FAM135A: variants seen among roughly 807,000 people sequenced by gnomAD.
FAM135A encodes protein FAM135A.
In FAM135A, 79 loss-of-function variants were observed where a neutral mutation model predicts 146.8. The observed-to-expected ratio is 0.54, with a 90% CI of 0.45 to 0.65. The LOEUF (loss-of-function observed/expected upper bound fraction) is 0.65. Ranked by LOEUF, FAM135A falls within the 30% of genes least tolerant of loss-of-function variation. The pLI is 0.00. For missense variants in FAM135A, 1,623 were observed against 1,758.2 expected (o/e 0.92, Z 1.38); for synonymous variants, 562 against 603.6 (o/e 0.93, Z 1.01).
intron 5 of FAM135A, among the ~76,000 whole-genome samples, chr6:70,470,921 T>G (rs1781507299): frequency 6.6e-6 from 1 of 152,226 alleles, no homozygotes; most frequent in South Asian, 2.1e-4. Context: ...AACTTCTGAT[T>G]ATTTTTATTT....
chr6:70,519,872 T>C (rs1045715582), intron 12 of FAM135A, among the ~76,000 whole-genome samples: 1 of 151,998 alleles, frequency 6.6e-6, no homozygotes. Context: ...TTCCAAGGCA[T>C]GCCTATACTA....
intron 16 of FAM135A, among the ~76,000 whole-genome samples, chr6:70,530,950 A>C (rs1205160248): frequency 1.3e-5 from 2 of 152,182 alleles, no homozygotes; most frequent in Non-Finnish European, 2.9e-5. Context: ...TTACACATTA[A>C]ACCAAAGAAA....
At chr6:70,522,003 G>T (rs1793696451) in intron 12 of FAM135A, among the ~76,000 whole-genome samples, 1 of 152,106 alleles carries the variant, frequency 6.6e-6, no homozygotes, top group African/African-American at 2.4e-5. Context: ...TGCAACCCCT[G>T]CCTCCTGGGT....
At position 70,500,240 on chromosome 6, in the gene FAM135A, T is replaced by G. The variant is rs549774825; in HGVS notation, c.874-2396T>G. 3.3e-4 allele frequency among the ~76,000 whole-genome samples: 51 copies of G among 152,316 alleles called. No homozygotes were observed. In the South Asian group the frequency reaches 0.011, roughly 32 times the overall value. ...CTTATTTCAGTAAGTTGATCTTCAG[T>G]CTCTGATATCCTTTCTTCAGCTTCA... On this transcript the variant is annotated intron_variant, in intron 11 of 21. Coordinates refer to ENST00000418814, the MANE Select transcript of FAM135A (RefSeq NM_001162529.3).
chr6:70,533,023 T>G, intron 16 of FAM135A, 137 bp from the exon 17 acceptor site: 1 of 675,634 alleles, frequency 1.5e-6, no homozygotes, highest in Non-Finnish European at 2.6e-6. Context: ...AATTGAGAAC[T>G]CTATTTCATT....
intron 11 of FAM135A, among the ~76,000 whole-genome samples, chr6:70,496,222 C>T (rs1242526853): frequency 6.6e-6 from 1 of 152,174 alleles, no homozygotes; most frequent in Non-Finnish European, 1.5e-5. Flanking sequence ...CAGTCTATCT[C>T]ATTGTGGTTT....
At chr6:70,436,611 G>T (rs1394779096) in intron 4 of FAM135A, among the ~76,000 whole-genome samples, 1 of 151,452 alleles carries the variant, frequency 6.6e-6, no homozygotes. Context: ...TGATGTTGGC[G>T]ATATGAAAAA....
chr6:70,555,967 C>T (rs780165910), intron 20 of FAM135A, among the ~76,000 whole-genome samples: 1 of 151,852 alleles, frequency 6.6e-6, no homozygotes, highest in Non-Finnish European at 1.5e-5. Flanking sequence ...TGATTAAGAT[C>T]CTTAGGCCAG....
Position 70,559,698 on chromosome 6 carries a change from T to C in FAM135A, c.4343-18T>C. 2 of 1,578,068 alleles carry C rather than the reference T, an allele frequency of 1.3e-6. No individual in the cohort carries two copies. Among genetic ancestry groups the C allele is most frequent in the Middle Eastern group, 1.7e-4 (1 of 5,948 alleles). On this transcript the variant is annotated intron_variant, in intron 21 of 21. Coordinates refer to ENST00000418814, the MANE Select transcript of FAM135A (RefSeq NM_001162529.3). ...TACTATTGTGAACTAATTTTCCTTT[T>C]TTCTGTTGGTTCCATAGGACAGATC...
chr6:70,450,817 C>G (rs73474998), intron 4 of FAM135A, among the ~76,000 whole-genome samples: 25,596 of 135,510 alleles, frequency 0.19, 2,332 homozygotes, highest in Middle Eastern at 0.27. Flanking sequence ...TCTCAGCTCA[C>G]TGCAAACTCT....
chr6:70,549,913 T>C (rs1430427051), intron 20 of FAM135A, among the ~76,000 whole-genome samples: 1 of 152,190 alleles, frequency 6.6e-6, no homozygotes, highest in Non-Finnish European at 1.5e-5. Context: ...TTCAACTCTT[T>C]ATGTAATATT....
At chr6:70,523,919 G>A in intron 13 of FAM135A, 48 bp from the exon 14 acceptor site, 1 of 1,567,444 alleles carries the variant, frequency 6.4e-7, no homozygotes, top group South Asian at 1.2e-5. Context: ...AAGGGGAGTT[G>A]GGTATAATTT....
chr6:70,416,851 A>G (rs1353637845), intron 2 of FAM135A, among the ~76,000 whole-genome samples: 1 of 152,246 alleles, frequency 6.6e-6, no homozygotes, highest in African/African-American at 2.4e-5. Flanking sequence ...AAAAGTTACA[A>G]AGCATAAGTG....
chr6:70,425,447 C>T (rs1029404442), intron 2 of FAM135A, among the ~76,000 whole-genome samples: 1 of 152,048 alleles, frequency 6.6e-6, no homozygotes, highest in African/African-American at 2.4e-5. Flanking sequence ...GAAATAGTTA[C>T]CAGAAAATCT....
intron 15 of FAM135A, 98 bp downstream of exon 15, chr6:70,526,796 C>CATAT: frequency 1.3e-6 from 1 of 774,786 alleles, no homozygotes; most frequent in African/African-American, 2.1e-5. Flanking sequence ...CACACACACA[C>CATAT]ACACACATAT....
chr6:70,545,825 G>A (rs1798759385), intron 20 of FAM135A, among the ~76,000 whole-genome samples: 1 of 152,216 alleles, frequency 6.6e-6, no homozygotes, highest in South Asian at 2.1e-4. Context: ...CAGAGAGATT[G>A]AATGACTTGC....
chr6:70,448,889 T>C (rs1178989352), intron 4 of FAM135A, among the ~76,000 whole-genome samples: 1 of 152,234 alleles, frequency 6.6e-6, no homozygotes, highest in Non-Finnish European at 1.5e-5. Flanking sequence ...AGCAGTTTTC[T>C]GCCCTGGGTG....
intron 19 of FAM135A, among the ~76,000 whole-genome samples, chr6:70,537,846 T>G (rs1198522350): frequency 6.6e-6 from 1 of 152,216 alleles, no homozygotes; most frequent in African/African-American, 2.4e-5. Flanking sequence ...CAATTTTTCA[T>G]TCTAAGATGT....
chr6:70,450,721 T>G (rs1220119736), intron 4 of FAM135A, among the ~76,000 whole-genome samples: 3 of 51,070 alleles, frequency 5.9e-5, no homozygotes, highest in Non-Finnish European at 1.0e-4. Context: ...TAGTTGTTTT[T>G]TTTTTTTTTT....
Sources: gnomAD v4.1 joint callset for allele counts (sites outside exome capture counted in the v4.1 genomes callset) on GRCh38, gnomAD v4.1.1 for gene constraint, MANE v1.5 for transcripts, NCBI Gene and HGNC (gene_info 2026-07-23, HGNC 2026-07-21) for gene names.